The following OR1F1 variants were observed in gnomAD, a reference collection of about 807,000 sequenced individuals.
OR1F1 encodes olfactory receptor family 1 subfamily F member 1.
For synonymous variants in OR1F1, 184 were observed against 156.7 expected, an observed-to-expected ratio of 1.17 and a Z score of -1.30; for missense variants, 493 against 376.3, an observed-to-expected ratio of 1.31 and a Z score of -2.57.
the OR1F1 span, among the ~76,000 whole-genome samples, chr16:3,189,087 C>A: frequency 3.8e-4 from 58 of 152,322 alleles, no homozygotes; most frequent in African/African-American, 1.4e-3. Flanking sequence ...ACGTGGGAAA[C>A]TCGCTTTCTG....
At chr16:3,196,226 CAT>C in the OR1F1 span, among the ~76,000 whole-genome samples, 1 of 152,326 alleles carries the variant, frequency 6.6e-6, no homozygotes, top group Middle Eastern at 3.4e-3. Flanking sequence ...GTGTTGAGCA[CAT>C]GTTTCCTTTT....
chr16:3,204,736 G>C, exon 1 of OR1F1: 1 of 1,614,004 alleles, frequency 6.2e-7, no homozygotes, highest in Non-Finnish European at 8.5e-7. Flanking sequence ...CCTGCTGATG[G>C]CTCCACTCTC....
chr16:3,202,737 G>A (rs1020303710), upstream of OR1F1, among the ~76,000 whole-genome samples: 2 of 151,072 alleles, frequency 1.3e-5, no homozygotes, highest in African/African-American at 4.8e-5. Context: ...TTCACCTAGT[G>A]GACATGGTCT....
At chr16:3,196,153 G>A in the OR1F1 span, among the ~76,000 whole-genome samples, 4 of 152,232 alleles carry the variant, frequency 2.6e-5, no homozygotes, top group Non-Finnish European at 5.9e-5. Flanking sequence ...TTGCAGTTAT[G>A]CCCAGCTAGC....
At chr16:3,188,934 G>A in the OR1F1 span, among the ~76,000 whole-genome samples, 68 of 152,344 alleles carry the variant, frequency 4.5e-4, no homozygotes, top group African/African-American at 1.6e-3. Flanking sequence ...ATCGCCCCTG[G>A]TGCGCAGCGT....
At chr16:3,202,749 A>G (rs529715594), upstream of OR1F1, among the ~76,000 whole-genome samples, 27 of 151,618 alleles carry the variant, frequency 1.8e-4, no homozygotes, top group African/African-American at 5.5e-4. Flanking sequence ...ACATGGTCTT[A>G]GCCCAGTGCA....
the OR1F1 span, among the ~76,000 whole-genome samples, chr16:3,196,899 C>G: frequency 1.3e-5 from 2 of 149,356 alleles, no homozygotes; most frequent in East Asian, 3.9e-4. Flanking sequence ...TTCTTTGAGA[C>G]AGAGTCTCAC....
chr16:3,204,277 G>C, exon 1 of OR1F1: 1 of 1,611,864 alleles, frequency 6.2e-7, no homozygotes, highest in Non-Finnish European at 8.5e-7. Flanking sequence ...GAGTGTCTCC[G>C]AGTTCCTCCT....
exon 1 of OR1F1, chr16:3,205,011 C>A: frequency 1.2e-6 from 2 of 1,614,082 alleles, no homozygotes; most frequent in Non-Finnish European, 1.7e-6. Flanking sequence ...ACAGCACCAT[C>A]ATTGCTGTGT....
At chr16:3,198,073 G>A in the OR1F1 span, among the ~76,000 whole-genome samples, 4 of 129,882 alleles carry the variant, frequency 3.1e-5, no homozygotes, top group African/African-American at 6.4e-5. Context: ...GAGAAGGAGA[G>A]GGAGAGGGAG....
chr16:3,203,500 TCACGCC>T (rs1596325012), upstream of OR1F1, among the ~76,000 whole-genome samples: 2 of 152,212 alleles, frequency 1.3e-5, no homozygotes, highest in Non-Finnish European at 1.5e-5. Context: ...GTGTGGTGGC[TCACGCC>T]TGTAATCCCA....
At chr16:3,201,773 G>A (rs1392671661), upstream of OR1F1, among the ~76,000 whole-genome samples, 1 of 152,146 alleles carries the variant, frequency 6.6e-6, no homozygotes, top group South Asian at 2.1e-4. Context: ...TGGGGCGGAA[G>A]CAGCTTTCCA....
exon 1 of OR1F1, chr16:3,204,796 C>T (rs758023730): frequency 1.5e-5 from 24 of 1,614,158 alleles, no homozygotes; most frequent in Non-Finnish European, 2.0e-5. Context: ...TGTGACTCCC[C>T]TACTGAAACT....
chr16:3,202,396 A>AT (rs1013304138), upstream of OR1F1, among the ~76,000 whole-genome samples: 6 of 152,214 alleles, frequency 3.9e-5, no homozygotes, highest in East Asian at 9.7e-4. Context: ...GACACCTTGG[A>AT]TTTTGTAATG....
the OR1F1 span, among the ~76,000 whole-genome samples, chr16:3,192,732 CG>C: frequency 2.6e-5 from 4 of 152,074 alleles, no homozygotes; most frequent in African/African-American, 9.7e-5. Context: ...TAGAATCTCC[CG>C]GGCCGCCTCC....
chr16:3,199,989 C>T (rs1031371955), upstream of OR1F1, among the ~76,000 whole-genome samples: 1 of 151,378 alleles, frequency 6.6e-6, no homozygotes, highest in African/African-American at 2.4e-5. Context: ...GCACTGCACC[C>T]CAGGCAACAA....
the OR1F1 span, among the ~76,000 whole-genome samples, chr16:3,191,974 A>C: frequency 5.6e-3 from 846 of 152,262 alleles, 8 homozygotes; most frequent in African/African-American, 0.019. Context: ...AGAAAAGTAA[A>C]GGGCCTGCTG....
exon 1 of OR1F1, chr16:3,204,708 G>T: frequency 6.2e-7 from 1 of 1,614,082 alleles, no homozygotes. Flanking sequence ...TTGCCAACCT[G>T]AATGTCCTTC....
the OR1F1 span, among the ~76,000 whole-genome samples, chr16:3,194,029 A>G: frequency 6.6e-6 from 1 of 152,174 alleles, no homozygotes; most frequent in East Asian, 1.9e-4. Flanking sequence ...GTAAGGTATC[A>G]CGCCTTTTAA....
Sources: allele counts gnomAD v4.1 joint callset (sites outside exome capture counted in the v4.1 genomes callset), GRCh38; gene constraint gnomAD v4.1.1; transcripts MANE v1.5; gene names NCBI Gene and HGNC (gene_info 2026-07-23, HGNC 2026-07-21).